The following CTNND2 variants were observed in gnomAD, a reference collection of about 807,000 sequenced individuals.
CTNND2 encodes catenin delta-2.
A neutral mutation model predicts 144.4 loss-of-function variants in CTNND2; 22 were observed. That is an observed-to-expected ratio of 0.15 (90% confidence interval 0.11 to 0.22). CTNND2 has a LOEUF of 0.22. CTNND2 is among the 10% of genes least tolerant of loss of function. The probability of loss-of-function intolerance (pLI) is 1.00; values close to 1 mark genes in which losing one functional copy is unlikely to be tolerated. For missense variants in CTNND2, 1,353 were observed against 1,618.8 expected, an observed-to-expected ratio of 0.84 and a Z score of 2.82; for synonymous variants, 751 against 695.6, an observed-to-expected ratio of 1.08 and a Z score of -1.25.
chr5:11,743,394 T>C (rs1379519817), intron 1 of CTNND2, among the ~76,000 whole-genome samples: 6 of 152,202 alleles, frequency 3.9e-5, no homozygotes, highest in Non-Finnish European at 5.9e-5. Flanking sequence ...AGGACTAGTT[T>C]AAGACTTTCG....
intron 2 of CTNND2, among the ~76,000 whole-genome samples, chr5:11,708,191 T>A (rs925274796): frequency 6.6e-6 from 1 of 151,836 alleles, no homozygotes; most frequent in Non-Finnish European, 1.5e-5. Flanking sequence ...GGACTACAGG[T>A]GCATGCCACC....
chr5:11,340,148 A>C (rs968256756), intron 9 of CTNND2, among the ~76,000 whole-genome samples: 2 of 152,080 alleles, frequency 1.3e-5, no homozygotes, highest in Non-Finnish European at 2.9e-5. Context: ...CTTTACCTGG[A>C]AAGCTTTATC....
intron 2 of CTNND2, among the ~76,000 whole-genome samples, chr5:11,685,775 A>T (rs566945181): frequency 6.6e-6 from 1 of 152,338 alleles, no homozygotes; most frequent in East Asian, 1.9e-4. Flanking sequence ...TAATTCCCTC[A>T]CAGTAAACCT....
intron 2 of CTNND2, among the ~76,000 whole-genome samples, chr5:11,612,748 A>T (rs896780056): frequency 6.6e-6 from 1 of 152,048 alleles, no homozygotes; most frequent in Non-Finnish European, 1.5e-5. Flanking sequence ...AAAAAATAAA[A>T]AATTAGTCAA....
intron 6 of CTNND2, among the ~76,000 whole-genome samples, chr5:11,390,727 T>G (rs1308598420): frequency 1.3e-5 from 2 of 152,234 alleles, no homozygotes; most frequent in Non-Finnish European, 2.9e-5. Flanking sequence ...AATGGAGAAC[T>G]GGAGCCCCGT....
At chr5:11,685,190 A>G (rs1329396161) in intron 2 of CTNND2, among the ~76,000 whole-genome samples, 2 of 152,198 alleles carry the variant, frequency 1.3e-5, no homozygotes, top group African/African-American at 4.8e-5. Flanking sequence ...GTCCATACCT[A>G]GAGTTACAAG....
chr5:11,662,245 ATATATG>A (rs1419779065), intron 2 of CTNND2, among the ~76,000 whole-genome samples: 3 of 133,714 alleles, frequency 2.2e-5, no homozygotes, highest in African/African-American at 1.0e-4. Context: ...ATATATATAC[ATATATG>A]TGTGTATATA....
At chr5:11,642,624 A>G (rs1782126448) in intron 2 of CTNND2, among the ~76,000 whole-genome samples, 1 of 152,192 alleles carries the variant, frequency 6.6e-6, no homozygotes. Context: ...GGTGACAGGA[A>G]GCCCTCAAAG....
chr5:11,074,049 G>A (rs1372357626), intron 16 of CTNND2, among the ~76,000 whole-genome samples: 2 of 152,124 alleles, frequency 1.3e-5, no homozygotes, highest in Non-Finnish European at 1.5e-5. Flanking sequence ...AAAACAGCAC[G>A]TTGCCTTCCT....
At chr5:11,558,148 T>G (rs974487223) in intron 3 of CTNND2, among the ~76,000 whole-genome samples, 1 of 152,210 alleles carries the variant, frequency 6.6e-6, no homozygotes, top group Non-Finnish European at 1.5e-5. Context: ...AAGACTACAT[T>G]TTGGAAATTT....
At chr5:11,660,616 T>A (rs1783149564) in intron 2 of CTNND2, among the ~76,000 whole-genome samples, 1 of 152,122 alleles carries the variant, frequency 6.6e-6, no homozygotes, top group African/African-American at 2.4e-5. Flanking sequence ...GTCATTGGTA[T>A]AAAATAGAAT....
chr5:11,379,558 A>G (rs1758273249), intron 7 of CTNND2, among the ~76,000 whole-genome samples: 1 of 152,046 alleles, frequency 6.6e-6, no homozygotes, highest in African/African-American at 2.4e-5. Flanking sequence ...TTAACTCTTA[A>G]TTTATTAAAA....
intron 1 of CTNND2, among the ~76,000 whole-genome samples, chr5:11,902,464 A>T (rs1426074961): frequency 1.3e-5 from 2 of 152,166 alleles, no homozygotes; most frequent in Admixed American, 1.3e-4. Flanking sequence ...ATGTAGGTGA[A>T]TGACCAGCAG....
chr5:11,600,728 TG>T (rs1208827434), intron 2 of CTNND2, among the ~76,000 whole-genome samples: 1,873 of 110,682 alleles, frequency 0.017, 38 homozygotes, highest in African/African-American at 0.056. Context: ...AAAAAAAAAA[TG>T]AAGACTAGCC....
At chr5:11,493,995 T>C (rs1581332323) in intron 3 of CTNND2, among the ~76,000 whole-genome samples, 1 of 152,148 alleles carries the variant, frequency 6.6e-6, no homozygotes, top group Non-Finnish European at 1.5e-5. Context: ...TAAAGAGATG[T>C]CAAATATTAC....
intron 10 of CTNND2, among the ~76,000 whole-genome samples, chr5:11,235,172 C>T (rs114374931): frequency 6.6e-6 from 1 of 152,124 alleles, no homozygotes. Context: ...TCAATTCATG[C>T]TAACGATGAA....
At chr5:11,264,931 AT>A (rs1745289676) in intron 9 of CTNND2, among the ~76,000 whole-genome samples, 1 of 152,186 alleles carries the variant, frequency 6.6e-6, no homozygotes, top group South Asian at 2.1e-4. Context: ...ACCCCGTCTC[AT>A]TAAAAAATAA....
intron 9 of CTNND2, among the ~76,000 whole-genome samples, chr5:11,341,451 A>C (rs1311594455): frequency 6.6e-6 from 1 of 152,290 alleles, no homozygotes. Flanking sequence ...GGCACTCTTC[A>C]AACTCCAGAA....
intron 2 of CTNND2, among the ~76,000 whole-genome samples, chr5:11,692,737 A>G (rs1201463988): frequency 6.6e-6 from 1 of 152,178 alleles, no homozygotes; most frequent in Non-Finnish European, 1.5e-5. Context: ...GAGTAGCTGC[A>G]ATTTCAGGTG....
Sources: gnomAD v4.1 joint callset for allele counts (sites outside exome capture counted in the v4.1 genomes callset) on GRCh38, gnomAD v4.1.1 for gene constraint, MANE v1.5 for transcripts, NCBI Gene and HGNC (gene_info 2026-07-23, HGNC 2026-07-21) for gene names.